ERBB4: variants seen among roughly 807,000 people sequenced by gnomAD.
The protein encoded by ERBB4 is erb-b2 receptor tyrosine kinase 4.
In ERBB4, 42 loss-of-function variants were observed where a neutral mutation model predicts 158.0. That is an observed-to-expected ratio of 0.27 (90% CI 0.21 to 0.34). The LOEUF (loss-of-function observed/expected upper bound fraction) is 0.34. Ranked by LOEUF, ERBB4 falls within the 10% of genes least tolerant of loss-of-function variation. ERBB4 has a pLI of 1.00. For synonymous variants in ERBB4, 583 were observed against 558.7 expected (o/e 1.04, Z -0.61); for missense variants, 1,333 against 1,624.1 (o/e 0.82, Z 3.08).
chr2:211,624,855 G>A (rs1384714914), intron 17 of ERBB4, among the ~76,000 whole-genome samples: 1 of 152,028 alleles, frequency 6.6e-6, no homozygotes, highest in Non-Finnish European at 1.5e-5. Context: ...GGGAGGAGGA[G>A]GAAGAAATAT....
chr2:211,973,048 A>G (rs1401224697), intron 2 of ERBB4, among the ~76,000 whole-genome samples: 1 of 152,178 alleles, frequency 6.6e-6, no homozygotes, highest in African/African-American at 2.4e-5. Flanking sequence ...TCCAGTATCT[A>G]TAAGGAACAT....
chr2:212,101,420 G>A (rs2125517738), intron 2 of ERBB4, among the ~76,000 whole-genome samples: 1 of 149,088 alleles, frequency 6.7e-6, no homozygotes, highest in South Asian at 2.1e-4. Flanking sequence ...TTTCTTTAAG[G>A]CGAAGAAAGA....
At chr2:212,216,526 A>C (rs1315681283) in intron 1 of ERBB4, among the ~76,000 whole-genome samples, 1 of 151,400 alleles carries the variant, frequency 6.6e-6, no homozygotes, top group Non-Finnish European at 1.5e-5. Flanking sequence ...CAATTAATGT[A>C]ACCTGTTTTT....
intron 1 of ERBB4, among the ~76,000 whole-genome samples, chr2:212,486,639 T>C (rs1689996907): frequency 6.6e-6 from 1 of 151,938 alleles, no homozygotes; most frequent in Non-Finnish European, 1.5e-5. Context: ...CCAAGTAAAA[T>C]GGGGATGAAA....
intron 5 of ERBB4, among the ~76,000 whole-genome samples, chr2:211,748,699 A>G (rs975192671): frequency 6.6e-6 from 1 of 152,248 alleles, no homozygotes; most frequent in Non-Finnish European, 1.5e-5. Flanking sequence ...TGTAAAATAA[A>G]TAAGTGAATA....
intron 12 of ERBB4, among the ~76,000 whole-genome samples, chr2:211,692,785 T>G (rs1338842467): frequency 6.6e-6 from 1 of 152,192 alleles, no homozygotes; most frequent in Non-Finnish European, 1.5e-5. Context: ...TACGTCCTTT[T>G]TACCATATAA....
intron 20 of ERBB4, among the ~76,000 whole-genome samples, chr2:211,475,477 C>T (rs918303192): frequency 6.6e-6 from 1 of 151,990 alleles, no homozygotes; most frequent in Non-Finnish European, 1.5e-5. Flanking sequence ...TTTCCTAGTA[C>T]ATGTAGGAAA....
chr2:212,308,962 AG>A (rs1392231167), intron 1 of ERBB4, among the ~76,000 whole-genome samples: 1 of 150,936 alleles, frequency 6.6e-6, no homozygotes, highest in Non-Finnish European at 1.5e-5. Context: ...CTGAAGAAAA[AG>A]TAATCTCCCT....
intron 1 of ERBB4, among the ~76,000 whole-genome samples, chr2:212,412,968 T>C (rs889137993): frequency 6.6e-6 from 1 of 151,866 alleles, no homozygotes; most frequent in Non-Finnish European, 1.5e-5. Flanking sequence ...TTTGTTTTTT[T>C]TGTTTGTTTG....
At chr2:212,015,383 G>A (rs570464704) in intron 2 of ERBB4, among the ~76,000 whole-genome samples, 1 of 151,994 alleles carries the variant, frequency 6.6e-6, no homozygotes, top group South Asian at 2.1e-4. Context: ...ATTGGCCATT[G>A]TCCTTGGGAT....
At chr2:211,968,548 A>G (rs2081366828) in intron 2 of ERBB4, among the ~76,000 whole-genome samples, 1 of 152,058 alleles carries the variant, frequency 6.6e-6, no homozygotes, top group African/African-American at 2.4e-5. Flanking sequence ...TTTAACAACT[A>G]TTATTTAATC....
chr2:211,935,856 C>T (rs2080308253), intron 3 of ERBB4, among the ~76,000 whole-genome samples: 1 of 152,100 alleles, frequency 6.6e-6, no homozygotes, highest in Non-Finnish European at 1.5e-5. Context: ...ATCATATTTG[C>T]AAACCACTTC....
intron 1 of ERBB4, among the ~76,000 whole-genome samples, chr2:212,212,015 A>G (rs1483156975): frequency 6.6e-6 from 1 of 152,100 alleles, no homozygotes; most frequent in Admixed American, 6.6e-5. Flanking sequence ...TAGTGCTGCA[A>G]TAAACATACA....
In ERBB4 at chr2:212,097,957, C is replaced by G. The variant is rs2078977329; in HGVS notation, c.234+26795G>C. Among the ~76,000 whole-genome samples the G allele has an allele frequency of 1.3e-5, 2 of 151,940 alleles. 1 individual carries two copies. The highest frequency in any genetic ancestry group is 1.3e-4 in the Admixed American group (2 of 15,248). ...TTCGAACATATTAGATAGAAAGTAG[C>G]CAAAGATATATATGGGTTTGAGGGG... On this transcript the variant is annotated intron_variant, in intron 2 of 27. Coordinates refer to ENST00000342788, the MANE Select transcript of ERBB4 (RefSeq NM_005235.3).
At chr2:211,732,180 C>T (rs1412886688) in intron 5 of ERBB4, among the ~76,000 whole-genome samples, 1 of 152,088 alleles carries the variant, frequency 6.6e-6, no homozygotes, top group Non-Finnish European at 1.5e-5. Flanking sequence ...TTTCCTATCT[C>T]ATATTAAATT....
chr2:211,795,599 T>C (rs1227205554), intron 3 of ERBB4, among the ~76,000 whole-genome samples: 2 of 151,846 alleles, frequency 1.3e-5, no homozygotes, highest in African/African-American at 2.4e-5. Context: ...GGGAGCCCCA[T>C]TCTATTTTGT....
chr2:211,523,568 G>A (rs2066248893), intron 20 of ERBB4, among the ~76,000 whole-genome samples: 1 of 151,794 alleles, frequency 6.6e-6, no homozygotes, highest in Non-Finnish European at 1.5e-5. Flanking sequence ...AGGCTCAGGA[G>A]TTAAGCTGCA....
intron 20 of ERBB4, among the ~76,000 whole-genome samples, chr2:211,558,725 C>A (rs1559294435): frequency 6.6e-6 from 1 of 151,828 alleles, no homozygotes; most frequent in Non-Finnish European, 1.5e-5. Context: ...GTGTTTCTAA[C>A]CCTAAGTCTG....
At chr2:212,059,691 G>A (rs1163308340) in intron 2 of ERBB4, among the ~76,000 whole-genome samples, 1 of 152,148 alleles carries the variant, frequency 6.6e-6, no homozygotes, top group South Asian at 2.1e-4. Context: ...AAGAAATGGA[G>A]AAAGATTCCC....
Sources: gnomAD v4.1 joint callset for allele counts (sites outside exome capture counted in the v4.1 genomes callset) on GRCh38, gnomAD v4.1.1 for gene constraint, MANE v1.5 for transcripts, NCBI Gene and HGNC (gene_info 2026-07-23, HGNC 2026-07-21) for gene names.